CD226: variants seen among roughly 807,000 people sequenced by gnomAD.
The protein encoded by CD226 is CD226 antigen.
Under a neutral mutation model 34.9 loss-of-function variants are expected in CD226, and 24 were observed. The observed-to-expected ratio is 0.69, with a 90% CI of 0.50 to 0.97. The LOEUF (loss-of-function observed/expected upper bound fraction) is 0.97, where lower values mean the gene tolerates loss of function less well. Ranked by LOEUF, CD226 falls within the 50% of genes least tolerant of loss-of-function variation. The pLI is 0.00. For missense variants in CD226, 397 were observed against 412.7 expected (o/e 0.96, Z 0.33); for synonymous variants, 148 against 147.4 (o/e 1.00, Z -0.03).
At chr18:69,927,320 A>G (rs1241783534) in intron 2 of CD226, among the ~76,000 whole-genome samples, 3 of 151,804 alleles carry the variant, frequency 2.0e-5, no homozygotes, top group Non-Finnish European at 4.4e-5. Flanking sequence ...TAAATTACCC[A>G]TCTAAGGTAC....
At chr18:69,899,593 C>T (rs753643558) in intron 2 of CD226, among the ~76,000 whole-genome samples, 4 of 152,126 alleles carry the variant, frequency 2.6e-5, no homozygotes, top group South Asian at 2.1e-4. Context: ...AAGAGGAAAA[C>T]GACCCCATTA....
chr18:69,925,393 A>G (rs2055508667), intron 2 of CD226, among the ~76,000 whole-genome samples: 1 of 152,238 alleles, frequency 6.6e-6, no homozygotes, highest in Non-Finnish European at 1.5e-5. Flanking sequence ...CTGGGTAGAT[A>G]AATCACATGT....
rs1006787354 is a variant in CD226 at position 69,863,974 on chromosome 18, T to C, written c.*340A>G. On this transcript the variant is annotated 3_prime_UTR_variant, in exon 6 of 6. Coordinates refer to ENST00000582621, the MANE Select transcript of CD226 (RefSeq NM_001303618.2). ...AAGACCAGGGAAATGGATCCAACAC[T>C]CTGGAAAGGGATTCAGAAGCCAGTT... is the stretch of plus-strand genomic sequence containing the variant. The C allele has an allele frequency of 5.8e-6, 1 of 173,510 alleles. No individual in the cohort carries two copies. The highest frequency in any genetic ancestry group is 1.2e-5 in the Non-Finnish European group (1 of 82,138). 10.7% of individuals were successfully genotyped at this position (173,510 alleles called of 1,614,324 possible).
chr18:69,941,014 A>G (rs148827184), intron 2 of CD226, among the ~76,000 whole-genome samples: 1 of 152,328 alleles, frequency 6.6e-6, no homozygotes, highest in African/African-American at 2.4e-5. Context: ...GCCAACATAC[A>G]GCTCAGGCTG....
intron 2 of CD226, among the ~76,000 whole-genome samples, chr18:69,920,923 G>C (rs1474510168): frequency 6.6e-6 from 1 of 152,098 alleles, no homozygotes; most frequent in Non-Finnish European, 1.5e-5. Context: ...TATTAATTCT[G>C]GAATCCTTTA....
chr18:69,866,681 T>C (rs1353395352), intron 5 of CD226, among the ~76,000 whole-genome samples: 1 of 152,220 alleles, frequency 6.6e-6, no homozygotes, highest in East Asian at 1.9e-4. Flanking sequence ...TACTGTCCCC[T>C]GCAAATTCAT....
intron 2 of CD226, among the ~76,000 whole-genome samples, chr18:69,905,617 T>A (rs1297051698): frequency 2.0e-5 from 3 of 152,186 alleles, no homozygotes; most frequent in African/African-American, 7.2e-5. Flanking sequence ...AAATTTTACC[T>A]CCTTTATTTT....
intron 2 of CD226, among the ~76,000 whole-genome samples, chr18:69,930,443 C>T (rs755746881): frequency 6.6e-6 from 1 of 152,148 alleles, no homozygotes; most frequent in Non-Finnish European, 1.5e-5. Flanking sequence ...ACAGGGACCA[C>T]CGGAAAAATC....
rs1982867198 is a variant in CD226, at chr18:69,862,239, G to A, written c.*2075C>T. 1 of 152,070 alleles carries A rather than the reference G, an allele frequency of 6.6e-6. No homozygotes were observed. The highest frequency in any genetic ancestry group is 2.4e-5 in the African/African-American group (1 of 41,420). 9.4% of individuals were successfully genotyped at this position (152,070 alleles called of 1,614,324 possible). A position where few individuals can be genotyped will look rare whatever the true frequency, so the allele number is the denominator to read the frequency against. ...ATTTATATTTCCCCATACTACAACT[G>A]TAAAAATGTTTTCCTGCTCACATAC... On this transcript the variant is annotated 3_prime_UTR_variant, in exon 6 of 6. Transcript: ENST00000582621.
At chr18:69,880,964 T>G (rs1298933998) in intron 3 of CD226, among the ~76,000 whole-genome samples, 3 of 152,166 alleles carry the variant, frequency 2.0e-5, no homozygotes, top group Non-Finnish European at 4.4e-5. Context: ...TTTTAAGATT[T>G]ATCATACAGC....
In CD226 at chr18:69,862,770, C is replaced by G. The variant is rs547411299; in HGVS notation, c.*1544G>C. The G allele has an allele frequency of 8.5e-5, 13 of 152,276 alleles. No homozygotes were observed. In the South Asian group the frequency reaches 2.7e-3, roughly 32 times the overall value. 9.4% of individuals were successfully genotyped at this position (152,276 alleles called of 1,614,324 possible). A position where few individuals can be genotyped will look rare whatever the true frequency, so the allele number is the denominator to read the frequency against. On this transcript the variant is annotated 3_prime_UTR_variant, in exon 6 of 6. Coordinates refer to ENST00000582621, the MANE Select transcript of CD226 (RefSeq NM_001303618.2). ...AAAAGTGTAAATTACATCTTAGAAT[C>G]TGTCTAGGCAACAGGAGAATTTGGA... is the stretch of plus-strand genomic sequence containing the variant.
rs556127615 is a variant in CD226 at position 69,867,540 on chromosome 18, A to T, written c.831-129T>A. On this transcript the variant is annotated intron_variant, in intron 4 of 5. Coordinates refer to ENST00000582621, the MANE Select transcript of CD226 (RefSeq NM_001303618.2). The stretch of plus-strand genomic sequence containing the variant: ...CTAATATGTTGAAGTAGCTTTATGC[A>T]CATTTATCCAAAATTCTGTTACCCT... 3.6e-4 allele frequency: 216 copies of T among 597,418 alleles called. 2 individuals carry two copies. In the South Asian group the frequency reaches 4.0e-3, roughly 11 times the overall value. 37.0% of individuals were successfully genotyped at this position (597,418 alleles called of 1,614,324 possible). A position where few individuals can be genotyped will look rare whatever the true frequency, so the allele number is the denominator to read the frequency against.
chr18:69,869,723 T>C (rs944269540), intron 4 of CD226, among the ~76,000 whole-genome samples: 8 of 151,096 alleles, frequency 5.3e-5, no homozygotes, highest in African/African-American at 1.9e-4. Context: ...ATATCACAAT[T>C]GGATTTACGT....
chr18:69,898,256 G>A (rs1291677409), intron 2 of CD226, among the ~76,000 whole-genome samples: 1 of 152,164 alleles, frequency 6.6e-6, no homozygotes, highest in Non-Finnish European at 1.5e-5. Context: ...TCTGGTCCCT[G>A]GGAAGTAAGA....
chr18:69,947,489 G>T lies in CD226; in HGVS notation c.-83C>A, dbSNP rs1461390180. ...GTGACATGCAGATCCCCAGCACAAT[G>T]CAGTTTCCTTCCTCTCAGATGTTAT... is the stretch of plus-strand genomic sequence containing the variant. On this transcript the variant is annotated 5_prime_UTR_variant, in exon 1 of 6. Transcript: ENST00000582621. The T allele has an allele frequency of 8.6e-6, 7 of 811,006 alleles. No individual in the cohort carries two copies. The highest frequency in any genetic ancestry group is 1.2e-5 in the Non-Finnish European group (6 of 500,382). The allele number at this position is 811,006 out of a possible 1,614,324, so 50.2% of individuals were successfully genotyped here.
At position 69,946,981 on chromosome 18, in the gene CD226, T is replaced by C; in HGVS notation, c.135A>G (p.Leu45=). 6.2e-7 allele frequency: 1 copy of C among 1,614,162 alleles called. No homozygotes were observed. The highest frequency in any genetic ancestry group is 8.5e-7 in the Non-Finnish European group (1 of 1,180,012). ...CGATCTTGAACCACTCCACCTGTGTTAAGATGCCCATTGATGGATACACAC... is the reference window on the plus strand; with the variant it reads ...CGATCTTGAACCACTCCACCTGTGTCAAGATGCCCATTGATGGATACACAC... ...LECVYPSMGI[L]TQVEWFKIGT... Residue 45 remains leucine (L), a synonymous_variant, in exon 2 of 6, where the codon TTA becomes TTG. Coordinates refer to ENST00000582621, the MANE Select transcript of CD226 (RefSeq NM_001303618.2).
chr18:69,895,604 T>C (rs1985223195), intron 3 of CD226, 97 bp downstream of exon 3: 3 of 878,238 alleles, frequency 3.4e-6, no homozygotes, highest in South Asian at 3.2e-5. Context: ...AATATGCGCA[T>C]TAAATGAACA....
upstream of CD226, among the ~76,000 whole-genome samples, chr18:69,949,598 C>T (rs1288945041): frequency 1.3e-5 from 2 of 152,026 alleles, no homozygotes; most frequent in African/African-American, 2.4e-5. Context: ...CACACACACA[C>T]GGATACATGC....
At chr18:69,874,026 G>GA (rs148044135) in intron 3 of CD226, among the ~76,000 whole-genome samples, 9,780 of 148,988 alleles carry the variant, frequency 0.066, 910 homozygotes, top group African/African-American at 0.21. Flanking sequence ...CAAAAAATCA[G>GA]AAAAAAAAAA....
Sources: gnomAD v4.1 joint callset for allele counts (sites outside exome capture counted in the v4.1 genomes callset) on GRCh38, gnomAD v4.1.1 for gene constraint, MANE v1.5 for transcripts, NCBI Gene and HGNC (gene_info 2026-07-23, HGNC 2026-07-21) for gene names.